Variants in CEP162 observed in about 807,000 individuals in gnomAD.
CEP162 encodes centrosomal protein 162, also known as centrosomal protein of 162 kDa.
CEP162 carries 141 observed loss-of-function variants against 169.2 expected under a neutral mutation model. That is an observed-to-expected ratio of 0.83 (90% CI 0.73 to 0.96). CEP162 has a LOEUF of 0.96. Among genes scored for constraint, CEP162 ranks in the 40% least tolerant of loss-of-function variants. The probability of loss-of-function intolerance (pLI) is 0.00; values close to 1 mark genes in which losing one functional copy is unlikely to be tolerated. For synonymous variants in CEP162, 540 were observed against 526.4 expected (o/e 1.03, Z -0.35); for missense variants, 1,600 against 1,587.2 (o/e 1.01, Z -0.14).
At chr6:84,201,448 G>A (rs1030748730) in intron 8 of CEP162, among the ~76,000 whole-genome samples, 6 of 151,746 alleles carry the variant, frequency 4.0e-5, no homozygotes, top group East Asian at 1.9e-4. Flanking sequence ...ATCTTCTTCC[G>A]ATGTAGAAGA....
intron 2 of CEP162, 38 bp downstream of exon 2, chr6:84,226,299 C>T: frequency 3.7e-6 from 5 of 1,363,628 alleles, no homozygotes; most frequent in Non-Finnish European, 5.1e-6. Flanking sequence ...TCTTTTGAGA[C>T]AAATTTGACA....
chr6:84,177,135 T>C (rs2099532742), intron 13 of CEP162, among the ~76,000 whole-genome samples: 1 of 152,176 alleles, frequency 6.6e-6, no homozygotes, highest in Non-Finnish European at 1.5e-5. Context: ...TAAATGGCCA[T>C]GTGTGGCCAG....
intron 16 of CEP162, among the ~76,000 whole-genome samples, chr6:84,172,377 T>G (rs1210569572): frequency 6.6e-6 from 1 of 152,164 alleles, no homozygotes; most frequent in Non-Finnish European, 1.5e-5. Context: ...TGCACTTAGA[T>G]GCCCTCCCTG....
intron 2 of CEP162, among the ~76,000 whole-genome samples, chr6:84,223,394 G>A (rs1271363954): frequency 6.6e-6 from 1 of 151,842 alleles, no homozygotes; most frequent in African/African-American, 2.4e-5. Context: ...AGCTACTCAG[G>A]AGGCTGACGC....
intron 21 of CEP162, 122 bp downstream of exon 21, chr6:84,160,690 A>G (rs1461399452): frequency 1.6e-6 from 1 of 625,626 alleles, no homozygotes; most frequent in African/African-American, 1.8e-5. Flanking sequence ...TTACTAATGT[A>G]AATACTTTAA....
At chr6:84,136,592 T>C (rs1009105872) in intron 25 of CEP162, among the ~76,000 whole-genome samples, 7 of 152,238 alleles carry the variant, frequency 4.6e-5, no homozygotes, top group African/African-American at 1.7e-4. Flanking sequence ...TGTATCTGTT[T>C]GATTATTTTT....
At chr6:84,150,499 A>C (rs780603049) in intron 23 of CEP162, among the ~76,000 whole-genome samples, 2 of 152,094 alleles carry the variant, frequency 1.3e-5, no homozygotes, top group Non-Finnish European at 2.9e-5. Flanking sequence ...TTCTCCATGG[A>C]AACAGTGTGA....
chr6:84,220,005 A>C (rs565858612), intron 3 of CEP162, among the ~76,000 whole-genome samples: 1 of 152,260 alleles, frequency 6.6e-6, no homozygotes, highest in Non-Finnish European at 1.5e-5. Context: ...AGGCATTCTA[A>C]TGGCAAGGAA....
Position 84,175,253 on chromosome 6 carries a change from T to A in CEP162, c.1758A>T (p.Glu586Asp). Residue 586 changes from glutamate to aspartate, a missense_variant, in exon 14 of 27, where the codon GAA becomes GAT. Coordinates refer to ENST00000403245, the MANE Select transcript of CEP162 (RefSeq NM_014895.4). ...TACAGGAATCAGTTTCTGTGGGATT[T>A]TCAGACTTCTTACGAGTAGACAGGC... The part of the protein sequence containing the change: ...ESCLSTRKKS[E>D]NPTETDSCIQ... 6.5e-7 allele frequency: 1 copy of A among 1,544,828 alleles called. No homozygotes were observed. The highest frequency in any genetic ancestry group is 2.5e-5 in the East Asian group (1 of 40,596).
intron 25 of CEP162, 71 bp downstream of exon 25, chr6:84,146,616 T>G (rs886282440): frequency 1.5e-6 from 1 of 677,482 alleles, no homozygotes; most frequent in African/African-American, 1.8e-5. Flanking sequence ...GGTAAAAAAT[T>G]TATAAATATG....
chr6:84,214,365 T>C (rs563866806), intron 5 of CEP162, among the ~76,000 whole-genome samples: 7 of 152,346 alleles, frequency 4.6e-5, no homozygotes, highest in African/African-American at 1.7e-4. Context: ...ATGGATCCTT[T>C]GACTTGCCCT....
rs147909744 is a variant in CEP162 at position 84,207,396 on chromosome 6, G to C, written c.572-3300C>G. On this transcript the variant is annotated intron_variant, in intron 6 of 26. Coordinates refer to ENST00000403245, the MANE Select transcript of CEP162 (RefSeq NM_014895.4). The stretch of plus-strand genomic sequence containing the variant: ...TGGAATACTATGCAGCCATAAAAAG[G>C]ATGAGTTCATGTCCTTTGTAGGGAC... Among the ~76,000 whole-genome samples, 668 of 152,242 alleles carry C rather than the reference G, an allele frequency of 4.4e-3. 6 individuals carry two copies. The highest frequency in any genetic ancestry group is 6.5e-3 in the Non-Finnish European group (444 of 68,012).
intron 9 of CEP162, among the ~76,000 whole-genome samples, chr6:84,195,346 A>G (rs1562069858): frequency 6.6e-6 from 1 of 152,188 alleles, no homozygotes; most frequent in African/African-American, 2.4e-5. Context: ...CCCCCTCTGC[A>G]TAACTATTCT....
chr6:84,152,740 C>G lies in CEP162; in HGVS notation c.3434G>C (p.Gly1145Ala). 1 of 1,613,220 alleles carries G rather than the reference C, an allele frequency of 6.2e-7. No individual in the cohort carries two copies. The change falls in exon 23 of 27, where the codon GGA (glycine) becomes GCA (alanine). Residue 1145 changes from glycine (G) to alanine (A), a missense_variant. Gly to Ala is a moderately conservative substitution (Grantham distance 60). Coordinates refer to ENST00000403245, the MANE Select transcript of CEP162 (RefSeq NM_014895.4). ...GGTTCCAGGGAAGGAGTTAGCATTT[C>G]CTTTACTTGAGTGCAAAACATCTTT... ...AKKDVLHSSK[G>A]NANSFPGTLD...
intron 6 of CEP162, among the ~76,000 whole-genome samples, chr6:84,208,618 A>G (rs879283406): frequency 1.3e-5 from 2 of 152,248 alleles, no homozygotes; most frequent in Non-Finnish European, 2.9e-5. Context: ...CTACAGAAAC[A>G]TCTACATTTT....
Position 84,124,977 on chromosome 6 carries a change from G to C in CEP162, c.*93C>G. ...TTGTTTGCTTTCTGGAAACATATTG[G>C]AACACTTGTTTTTCATAAGCTGTCC... On this transcript the variant is annotated 3_prime_UTR_variant, in exon 27 of 27. Transcript: ENST00000403245. 1 of 936,814 alleles carries C rather than the reference G, an allele frequency of 1.1e-6. No homozygotes were observed. The highest frequency in any genetic ancestry group is 1.6e-6 in the Non-Finnish European group (1 of 614,878). The allele number at this position is 936,814 out of a possible 1,614,324, so 58.0% of individuals were successfully genotyped here. A position where few individuals can be genotyped will look rare whatever the true frequency, so the allele number is the denominator to read the frequency against.
At chr6:84,170,718 T>C (rs1588783651) in intron 17 of CEP162, among the ~76,000 whole-genome samples, 1 of 152,174 alleles carries the variant, frequency 6.6e-6, no homozygotes, top group South Asian at 2.1e-4. Context: ...GATACACAAA[T>C]AGTGGTCATT....
At chr6:84,176,315 T>G (rs1159041459) in intron 13 of CEP162, among the ~76,000 whole-genome samples, 3 of 152,208 alleles carry the variant, frequency 2.0e-5, no homozygotes, top group African/African-American at 7.2e-5. Flanking sequence ...TTCATTTCAA[T>G]TATTTTTCCA....
chr6:84,185,101 C>G, intron 13 of CEP162, 86 bp downstream of exon 13: 2 of 1,238,242 alleles, frequency 1.6e-6, no homozygotes, highest in South Asian at 1.5e-5. Flanking sequence ...CAAATTGAAT[C>G]TTACAAATGG....
Sources: allele counts gnomAD v4.1 joint callset (sites outside exome capture counted in the v4.1 genomes callset), GRCh38; gene constraint gnomAD v4.1.1; transcripts MANE v1.5; gene names NCBI Gene and HGNC (gene_info 2026-07-23, HGNC 2026-07-21).